REEP5: variants seen among roughly 807,000 people sequenced by gnomAD.
REEP5 encodes receptor expression-enhancing protein 5.
A neutral mutation model predicts 22.4 loss-of-function variants in REEP5; 24 were observed. That is an observed-to-expected ratio of 1.07 (90% CI 0.78 to 1.51). The LOEUF is 1.51. Among genes scored for constraint, REEP5 ranks in the 40% most tolerant of loss-of-function variants. The probability of loss-of-function intolerance (pLI) is 0.00; values close to 1 mark genes in which losing one functional copy is unlikely to be tolerated. For synonymous variants in REEP5, 103 were observed against 88.6 expected (o/e 1.16, Z -0.92); for missense variants, 252 against 233.0 (o/e 1.08, Z -0.53).
At chr5:112,906,289 G>T (rs1191192832) in intron 2 of REEP5, among the ~76,000 whole-genome samples, 1 of 152,220 alleles carries the variant, frequency 6.6e-6, no homozygotes, top group Non-Finnish European at 1.5e-5. Flanking sequence ...CAAGTAGCAA[G>T]GATTGGTCTT....
At chr5:112,892,072 C>T in intron 3 of REEP5, 1 of 1,593,534 alleles carries the variant, frequency 6.3e-7, no homozygotes, top group Non-Finnish European at 8.6e-7. Flanking sequence ...GCAGAAGATG[C>T]TGGATCAGGC....
chr5:112,914,738 G>A (rs1198375737), intron 2 of REEP5, among the ~76,000 whole-genome samples: 6 of 152,098 alleles, frequency 3.9e-5, no homozygotes, highest in Non-Finnish European at 5.9e-5. Context: ...GATGCGGACC[G>A]CAGTCTAGAC....
At chr5:112,903,387 G>A (rs117716129) in intron 2 of REEP5, among the ~76,000 whole-genome samples, 4 of 152,294 alleles carry the variant, frequency 2.6e-5, no homozygotes, top group East Asian at 3.9e-4. Context: ...GCTAAGCTAT[G>A]AGGATGCAAA....
chr5:112,883,257 T>C (rs561248819), intron 4 of REEP5, among the ~76,000 whole-genome samples: 65 of 152,214 alleles, frequency 4.3e-4, no homozygotes, highest in Non-Finnish European at 7.8e-4. Flanking sequence ...TCTCATTCTC[T>C]CAAATCCATT....
chr5:112,919,771 G>A (rs574935453), intron 2 of REEP5, among the ~76,000 whole-genome samples: 1 of 152,182 alleles, frequency 6.6e-6, no homozygotes, highest in African/African-American at 2.4e-5. Context: ...CCAGAACTGT[G>A]AGCAATAAAT....
chr5:112,902,321 T>G lies in REEP5; in HGVS notation c.351+59A>C. 2.0e-6 allele frequency: 3 copies of G among 1,491,494 alleles called. No individual in the cohort carries two copies. In the South Asian group the frequency reaches 4.1e-5, roughly 20 times the overall value. 92.4% of individuals were successfully genotyped at this position (1,491,494 alleles called of 1,614,324 possible). On this transcript the variant is annotated intron_variant, in intron 3 of 4. Transcript: ENST00000379638. ...AGATGCACAACATTCAAGCATTTAT[T>G]CCTACTTCTTCTATACAGGTACTGA...
chr5:112,915,171 A>C (rs1769203886), intron 2 of REEP5, among the ~76,000 whole-genome samples: 1 of 152,100 alleles, frequency 6.6e-6, no homozygotes, highest in African/African-American at 2.4e-5. Flanking sequence ...TACGACAGAA[A>C]GAAGGACAAA....
chr5:112,887,306 A>G (rs2150036621), intron 3 of REEP5, 123 bp from the exon 4 acceptor site: 2 of 916,352 alleles, frequency 2.2e-6, no homozygotes, highest in East Asian at 2.9e-5. Flanking sequence ...CAAAGGCATT[A>G]CCAGTGTTTT....
chr5:112,917,428 G>A lies in REEP5; in HGVS notation c.212+3735C>T, dbSNP rs1397455175. ...CCAACTCTGATAGTCCCAGGAAGGTGGCAGCCCAAGTCTTAAGGAAAATAT... is the reference window on the plus strand; with the variant it reads ...CCAACTCTGATAGTCCCAGGAAGGTAGCAGCCCAAGTCTTAAGGAAAATAT... On this transcript the variant is annotated intron_variant, in intron 2 of 4. Transcript: ENST00000379638. Among the ~76,000 whole-genome samples the A allele has an allele frequency of 3.3e-5, 5 of 152,238 alleles. 1 individual carries two copies. The South Asian group carries it at 1.0e-3, about 32-fold the overall frequency.
intron 3 of REEP5, chr5:112,891,748 C>T (rs762446223): frequency 1.2e-5 from 19 of 1,614,002 alleles, no homozygotes; most frequent in Middle Eastern, 1.6e-4. Context: ...AAAGAAACGT[C>T]GGCAGGAACT....
intron 3 of REEP5, chr5:112,897,511 C>T (rs965414367): frequency 6.6e-6 from 1 of 152,084 alleles, no homozygotes; most frequent in Non-Finnish European, 1.5e-5. Flanking sequence ...AAGGAATGAG[C>T]ATATGTAAAT....
At chr5:112,879,141 CAG>C (rs1767987015) in intron 4 of REEP5, among the ~76,000 whole-genome samples, 1 of 152,086 alleles carries the variant, frequency 6.6e-6, no homozygotes, top group Non-Finnish European at 1.5e-5. Context: ...TTGAAAGAAG[CAG>C]AGATTCCTTA....
chr5:112,912,618 A>G (rs1769129405), intron 2 of REEP5, among the ~76,000 whole-genome samples: 1 of 152,218 alleles, frequency 6.6e-6, no homozygotes, highest in Non-Finnish European at 1.5e-5. Context: ...AGGTTAAGAT[A>G]GGTTCTTTGG....
intron 3 of REEP5, chr5:112,891,884 T>A: frequency 7.1e-7 from 1 of 1,403,288 alleles, no homozygotes; most frequent in Non-Finnish European, 1.0e-6. Context: ...GAGTGGTTGC[T>A]GAGGGAGCAG....
At chr5:112,905,265 G>A (rs114443473) in intron 2 of REEP5, among the ~76,000 whole-genome samples, 4 of 152,142 alleles carry the variant, frequency 2.6e-5, no homozygotes, top group African/African-American at 7.2e-5. Context: ...TTCTGGCCGG[G>A]CACAATGGCT....
chr5:112,918,910 T>G (rs1769288259), intron 2 of REEP5, among the ~76,000 whole-genome samples: 1 of 152,190 alleles, frequency 6.6e-6, no homozygotes, highest in Non-Finnish European at 1.5e-5. Flanking sequence ...GTTTATTTAC[T>G]TTAGAGGGCT....
chr5:112,913,366 GAAAGAA>G (rs1477403504), intron 2 of REEP5, among the ~76,000 whole-genome samples: 82 of 107,102 alleles, frequency 7.7e-4, no homozygotes, highest in African/African-American at 4.7e-3. Flanking sequence ...AGAAAGGAAA[GAAAGAA>G]GAAAGAAAGA....
intron 3 of REEP5, chr5:112,896,531 A>AAAAGAAAAAAG (rs1561653461): frequency 1.3e-5 from 2 of 152,032 alleles, no homozygotes; most frequent in African/African-American, 4.8e-5. Flanking sequence ...CCATCTCAAA[A>AAAAGAAAAAAG]AAAAGAAAAA....
intron 2 of REEP5, among the ~76,000 whole-genome samples, chr5:112,920,543 C>A (rs1769332837): frequency 6.6e-6 from 1 of 152,080 alleles, no homozygotes; most frequent in East Asian, 1.9e-4. Context: ...AGATCCTAAT[C>A]GTAAAAATTC....
Sources: gnomAD v4.1 joint callset for allele counts (sites outside exome capture counted in the v4.1 genomes callset) on GRCh38, gnomAD v4.1.1 for gene constraint, MANE v1.5 for transcripts, NCBI Gene and HGNC (gene_info 2026-07-23, HGNC 2026-07-21) for gene names.